Variants in PSD3 observed in about 807,000 individuals in gnomAD.
PSD3 encodes PH and SEC7 domain-containing protein 3.
A neutral mutation model predicts 105.5 loss-of-function variants in PSD3; 49 were observed. That is an observed-to-expected ratio of 0.46 (90% confidence interval 0.37 to 0.59). The LOEUF is 0.59. Ranked by LOEUF, PSD3 falls within the 20% of genes least tolerant of loss-of-function variation. PSD3 has a pLI of 0.00. For synonymous variants in PSD3, 557 were observed against 457.8 expected, an observed-to-expected ratio of 1.22 and a Z score of -2.77; for missense variants, 1,561 against 1,263.8, an observed-to-expected ratio of 1.24 and a Z score of -3.57.
At chr8:18,559,694 T>G (rs1801279429) in intron 14 of PSD3, among the ~76,000 whole-genome samples, 1 of 152,208 alleles carries the variant, frequency 6.6e-6, no homozygotes, top group Admixed American at 6.5e-5. Flanking sequence ...TCTAAAAGCT[T>G]TAGATTTAGG....
At chr8:18,820,574 G>A (rs929330305) in intron 4 of PSD3, among the ~76,000 whole-genome samples, 3 of 152,072 alleles carry the variant, frequency 2.0e-5, no homozygotes, top group Non-Finnish European at 4.4e-5. Context: ...TATGTTAATA[G>A]TTGTTATACT....
chr8:18,987,292 A>T (rs7840301), intron 1 of PSD3, among the ~76,000 whole-genome samples: 122,424 of 148,846 alleles, frequency 0.82, 50,533 homozygotes, highest in East Asian at 0.95. Context: ...TTTTTTTTTT[A>T]TATATATTTT....
intron 12 of PSD3, among the ~76,000 whole-genome samples, chr8:18,593,896 C>T (rs1357390491): frequency 7.2e-6 from 1 of 139,630 alleles, no homozygotes; most frequent in Non-Finnish European, 1.5e-5. Flanking sequence ...ACACCGCATG[C>T]TCTCAGTCAT....
At chr8:19,054,386 C>A (rs1442183338) in intron 1 of PSD3, among the ~76,000 whole-genome samples, 1 of 152,062 alleles carries the variant, frequency 6.6e-6, no homozygotes, top group Admixed American at 6.6e-5. Context: ...GGTTTATGAT[C>A]ATCTTTTTGG....
chr8:19,032,719 A>C (rs1351705154), intron 1 of PSD3, among the ~76,000 whole-genome samples: 2 of 152,054 alleles, frequency 1.3e-5, no homozygotes, highest in African/African-American at 4.8e-5. Flanking sequence ...TTCATCTGCT[A>C]TTAAAGTTTT....
chr8:18,935,952 T>C (rs533144428), intron 2 of PSD3, 82 bp downstream of exon 2: 4 of 823,630 alleles, frequency 4.9e-6, no homozygotes, highest in East Asian at 4.9e-5. Flanking sequence ...AAGAAGAAAG[T>C]AATGCAGGTG....
At chr8:18,916,300 A>G (rs1412628534) in intron 2 of PSD3, among the ~76,000 whole-genome samples, 1 of 436 alleles carries the variant, frequency 2.3e-3, no homozygotes, top group Admixed American at 0.017. Flanking sequence ...AAAAAGTGAT[A>G]TATATATATA....
intron 4 of PSD3, among the ~76,000 whole-genome samples, chr8:18,843,597 C>T (rs1165528047): frequency 6.6e-6 from 1 of 152,170 alleles, no homozygotes; most frequent in East Asian, 1.9e-4. Flanking sequence ...TTTCAGTCCT[C>T]ACCTAACACC....
intron 9 of PSD3, among the ~76,000 whole-genome samples, chr8:18,730,839 A>C (rs1020340825): frequency 1.3e-5 from 2 of 152,200 alleles, no homozygotes; most frequent in Admixed American, 1.3e-4. Context: ...TGTACTTAAA[A>C]TATATGAAAA....
intron 9 of PSD3, among the ~76,000 whole-genome samples, chr8:18,667,041 G>T (rs1045133982): frequency 6.6e-6 from 1 of 152,162 alleles, no homozygotes; most frequent in East Asian, 1.9e-4. Context: ...TCGTGGTCTC[G>T]CTGGCTTCAG....
intron 9 of PSD3, among the ~76,000 whole-genome samples, chr8:18,696,322 C>T (rs193096290): frequency 1.5e-3 from 233 of 152,304 alleles, no homozygotes; most frequent in African/African-American, 4.9e-3. Context: ...TCATTTAATA[C>T]GTATGACAAA....
intron 9 of PSD3, among the ~76,000 whole-genome samples, chr8:18,747,839 CAGA>C (rs955791859): frequency 4.6e-5 from 7 of 151,644 alleles, no homozygotes; most frequent in Non-Finnish European, 8.8e-5. Flanking sequence ...AAAAAAGACA[CAGA>C]AGAAGACGAG....
intron 8 of PSD3, among the ~76,000 whole-genome samples, chr8:18,778,607 C>A (rs1808312940): frequency 6.6e-6 from 1 of 151,874 alleles, no homozygotes; most frequent in African/African-American, 2.4e-5. Flanking sequence ...ATGGCGTTTA[C>A]TATGATGTGT....
chr8:18,702,256 G>C (rs1472891139), intron 9 of PSD3, among the ~76,000 whole-genome samples: 3 of 152,174 alleles, frequency 2.0e-5, no homozygotes, highest in African/African-American at 4.8e-5. Flanking sequence ...CATTCTCCCG[G>C]ATGACTTCAA....
chr8:18,822,265 T>C (rs1241220930), intron 4 of PSD3, among the ~76,000 whole-genome samples: 1 of 152,076 alleles, frequency 6.6e-6, no homozygotes, highest in African/African-American at 2.4e-5. Context: ...CAAAGAAATA[T>C]CCTAAGAAGA....
At chr8:18,742,298 A>T (rs1473702329) in intron 9 of PSD3, among the ~76,000 whole-genome samples, 1 of 152,196 alleles carries the variant, frequency 6.6e-6, no homozygotes, top group Non-Finnish European at 1.5e-5. Flanking sequence ...CAACCAACCT[A>T]GTATCACCAA....
rs577055866 is a variant in PSD3 at position 18,528,077 on chromosome 8, A to T, written c.*7666T>A. ...GCTTCTTTTATATTAAAAGATACAA[A>T]TTATCGCCTTTCTGCCTGTCCTATG... is the stretch of plus-strand genomic sequence containing the variant. On this transcript the variant is annotated 3_prime_UTR_variant, in exon 16 of 16. Transcript: ENST00000327040. 6 of 152,342 alleles carry T rather than the reference A, an allele frequency of 3.9e-5. No individual in the cohort carries two copies. The highest frequency in any genetic ancestry group is 3.9e-4 in the Admixed American group (6 of 15,304). 9.4% of individuals were successfully genotyped at this position (152,342 alleles called of 1,614,324 possible).
At chr8:19,069,645 A>G (rs1028981687) in intron 1 of PSD3, among the ~76,000 whole-genome samples, 1 of 152,226 alleles carries the variant, frequency 6.6e-6, no homozygotes, top group African/African-American at 2.4e-5. Flanking sequence ...ATGTGCAGGA[A>G]GTAGCTAAGG....
At chr8:18,650,200 G>C (rs149123938) in intron 10 of PSD3, among the ~76,000 whole-genome samples, 70 of 152,250 alleles carry the variant, frequency 4.6e-4, no homozygotes, top group Non-Finnish European at 8.1e-4. Context: ...TGTATTTTCT[G>C]AAGATCCTCA....
Sources: gnomAD v4.1 joint callset for allele counts (sites outside exome capture counted in the v4.1 genomes callset) on GRCh38, gnomAD v4.1.1 for gene constraint, MANE v1.5 for transcripts, NCBI Gene and HGNC (gene_info 2026-07-23, HGNC 2026-07-21) for gene names.